Variants in NCAM2 observed in about 807,000 individuals in gnomAD.
The protein encoded by NCAM2 is N-CAM-2.
A neutral mutation model predicts 98.1 loss-of-function variants in NCAM2; 30 were observed. That is an observed-to-expected ratio of 0.31 (90% CI 0.23 to 0.41). The LOEUF (loss-of-function observed/expected upper bound fraction) is 0.41, where lower values mean the gene tolerates loss of function less well. Among genes scored for constraint, NCAM2 ranks in the 10% least tolerant of loss-of-function variants. NCAM2 has a pLI of 1.00. For synonymous variants in NCAM2, 368 were observed against 342.4 expected (o/e 1.07, Z -0.83); for missense variants, 867 against 1,005.8 (o/e 0.86, Z 1.87).
intron 1 of NCAM2, among the ~76,000 whole-genome samples, chr21:21,254,549 A>G (rs2071591763): frequency 1.3e-5 from 2 of 152,196 alleles, no homozygotes; most frequent in African/African-American, 4.8e-5. Context: ...CTTCTGGAGC[A>G]TTATTTTGAA....
intron 8 of NCAM2, among the ~76,000 whole-genome samples, chr21:21,365,116 A>C (rs577198559): frequency 2.6e-5 from 4 of 152,120 alleles, no homozygotes; most frequent in Non-Finnish European, 5.9e-5. Flanking sequence ...GAATTCGCAC[A>C]GTGGGGTAGC....
intron 5 of NCAM2, among the ~76,000 whole-genome samples, chr21:21,306,468 G>A (rs1715848145): frequency 1.3e-5 from 2 of 152,100 alleles, no homozygotes; most frequent in Admixed American, 1.3e-4. Flanking sequence ...TCCAATACCT[G>A]AGTGTTAGCA....
chr21:21,266,259 C>G (rs2072267165), intron 1 of NCAM2, among the ~76,000 whole-genome samples: 2 of 151,978 alleles, frequency 1.3e-5, no homozygotes, highest in South Asian at 4.1e-4. Context: ...TTTTTTTACT[C>G]ATTCAACTAA....
In NCAM2 at chr21:21,539,968, A is replaced by T. The variant is rs1990164552; in HGVS notation, c.*2011A>T. On this transcript the variant is annotated 3_prime_UTR_variant, in exon 18 of 18. Transcript: ENST00000400546. ...TAAAACTAGTCAAAATACTTGAATT[A>T]GTTTGTTTGTGCAAAGTGTACAAGC... The T allele has an allele frequency of 6.6e-6, 1 of 152,136 alleles. No homozygotes were observed. The highest frequency in any genetic ancestry group is 2.1e-4 in the South Asian group (1 of 4,830). 9.4% of individuals were successfully genotyped at this position (152,136 alleles called of 1,614,324 possible). A position where few individuals can be genotyped will look rare whatever the true frequency, so the allele number is the denominator to read the frequency against.
intron 1 of NCAM2, among the ~76,000 whole-genome samples, chr21:21,006,742 T>A (rs1189935575): frequency 6.6e-6 from 1 of 152,156 alleles, no homozygotes; most frequent in Non-Finnish European, 1.5e-5. Context: ...CTCGTGAAGT[T>A]GAAAGTGCAG....
intron 16 of NCAM2, among the ~76,000 whole-genome samples, chr21:21,522,241 T>C (rs1186166691): frequency 7.3e-6 from 1 of 137,860 alleles, no homozygotes; most frequent in Non-Finnish European, 1.6e-5. Context: ...TTTATGAAGA[T>C]GAATATATAT....
At chr21:21,245,791 G>A (rs1394129258) in intron 1 of NCAM2, among the ~76,000 whole-genome samples, 1 of 152,220 alleles carries the variant, frequency 6.6e-6, no homozygotes, top group Non-Finnish European at 1.5e-5. Context: ...TAGGTGGATG[G>A]TAGATGATAG....
intron 14 of NCAM2, among the ~76,000 whole-genome samples, chr21:21,476,601 A>T (rs535349243): frequency 6.6e-6 from 1 of 152,086 alleles, no homozygotes; most frequent in Admixed American, 6.5e-5. Flanking sequence ...TCTAATGGTA[A>T]TTTTTTCAAA....
At chr21:21,121,564 TAATC>T (rs1293450305) in intron 1 of NCAM2, among the ~76,000 whole-genome samples, 1 of 152,216 alleles carries the variant, frequency 6.6e-6, no homozygotes, top group African/African-American at 2.4e-5. Flanking sequence ...CTGTGTCTGT[TAATC>T]AACTAATATG....
intron 15 of NCAM2, among the ~76,000 whole-genome samples, chr21:21,489,081 C>G (rs1986634219): frequency 6.6e-6 from 1 of 152,122 alleles, no homozygotes; most frequent in South Asian, 2.1e-4. Flanking sequence ...ACCTCCGCCT[C>G]CTGTGTACAA....
chr21:21,331,946 A>C (rs1181894855), intron 6 of NCAM2, among the ~76,000 whole-genome samples: 1 of 151,218 alleles, frequency 6.6e-6, no homozygotes, highest in African/African-American at 2.4e-5. Flanking sequence ...CCTGTCGTCC[A>C]GGCTGGAGTG....
At chr21:21,343,209 T>C (rs1358153367) in intron 8 of NCAM2, among the ~76,000 whole-genome samples, 1 of 152,154 alleles carries the variant, frequency 6.6e-6, no homozygotes, top group Non-Finnish European at 1.5e-5. Context: ...AATTACTTCG[T>C]ATAATGGGTA....
At chr21:21,226,672 A>G (rs1053989912) in intron 1 of NCAM2, 1 of 152,128 alleles carries the variant, frequency 6.6e-6, no homozygotes, top group Non-Finnish European at 1.5e-5. Flanking sequence ...AGATGTCTGT[A>G]TCTGTGATTG....
rs1047165138 is a variant in NCAM2 at position 21,028,290 on chromosome 21, A to G, written c.55+29672A>G. 2.6e-5 allele frequency among the ~76,000 whole-genome samples: 4 copies of G among 152,230 alleles called. No homozygotes were observed. In the South Asian group the frequency reaches 6.2e-4, roughly 24 times the overall value. ...TTTGTTGTTTTGGTTCTCATTAGCA[A>G]TGATGCAAGATTCCCAATTCCAGTC... On this transcript the variant is annotated intron_variant, in intron 1 of 17. Transcript: ENST00000400546.
chr21:21,292,288 A>C, intron 5 of NCAM2, 47 bp downstream of exon 5: 8 of 1,566,208 alleles, frequency 5.1e-6, no homozygotes, highest in Non-Finnish European at 6.9e-6. Flanking sequence ...CATTTTAGCA[A>C]TGTTTTTTAT....
chr21:21,324,239 A>G, intron 5 of NCAM2, 144 bp from the exon 6 acceptor site: 1 of 574,898 alleles, frequency 1.7e-6, no homozygotes, highest in Non-Finnish European at 3.0e-6. Flanking sequence ...AAGTTATTTT[A>G]CTGTGAAACC....
intron 1 of NCAM2, among the ~76,000 whole-genome samples, chr21:21,089,223 G>C (rs1333098188): frequency 4.6e-5 from 7 of 152,048 alleles, no homozygotes; most frequent in African/African-American, 1.7e-4. Flanking sequence ...TACCCCAATA[G>C]AAATATTTGG....
intron 1 of NCAM2, among the ~76,000 whole-genome samples, chr21:21,072,347 G>A (rs961009849): frequency 8.5e-5 from 13 of 152,126 alleles, no homozygotes; most frequent in African/African-American, 2.9e-4. Context: ...CATACTGGTT[G>A]CCTCTAAAAT....
At chr21:21,452,691 T>C (rs1676110864) in intron 12 of NCAM2, among the ~76,000 whole-genome samples, 2 of 113,102 alleles carry the variant, frequency 1.8e-5, no homozygotes, top group Admixed American at 2.3e-4. Flanking sequence ...TATATTTATA[T>C]ATCATTTTAA....
Sources: gnomAD v4.1 joint callset for allele counts (sites outside exome capture counted in the v4.1 genomes callset) on GRCh38, gnomAD v4.1.1 for gene constraint, MANE v1.5 for transcripts, NCBI Gene and HGNC (gene_info 2026-07-23, HGNC 2026-07-21) for gene names.